Variants in ATP11B observed in about 807,000 individuals in gnomAD.
ATP11B encodes phospholipid-transporting ATPase IF.
ATP11B carries 81 observed loss-of-function variants against 157.8 expected under a neutral mutation model. That is an observed-to-expected ratio of 0.51 (90% CI 0.43 to 0.62). The LOEUF (loss-of-function observed/expected upper bound fraction) is 0.62. Among genes scored for constraint, ATP11B ranks in the 20% least tolerant of loss-of-function variants. ATP11B has a pLI of 0.00. For synonymous variants in ATP11B, 451 were observed against 469.4 expected, an observed-to-expected ratio of 0.96 and a Z score of 0.51; for missense variants, 1,165 against 1,402.2, an observed-to-expected ratio of 0.83 and a Z score of 2.70.
chr3:182,911,624 ACGTG>A (rs1724803241), intron 28 of ATP11B, among the ~76,000 whole-genome samples: 2 of 152,072 alleles, frequency 1.3e-5, no homozygotes, highest in Admixed American at 1.3e-4. Flanking sequence ...ACTGGGGCAT[ACGTG>A]GTGAGCACTC....
chr3:182,865,815 T>C (rs1721187852), intron 13 of ATP11B, 117 bp downstream of exon 13: 1 of 753,086 alleles, frequency 1.3e-6, no homozygotes, highest in Non-Finnish European at 2.1e-6. Context: ...ACATTTGAAA[T>C]TCATATATTT....
At chr3:182,833,886 T>A (rs970338807) in intron 4 of ATP11B, 3 of 152,208 alleles carry the variant, frequency 2.0e-5, no homozygotes, top group African/African-American at 7.2e-5. Context: ...TAAGTCTAAC[T>A]AATGTTTGAT....
intron 4 of ATP11B, among the ~76,000 whole-genome samples, chr3:182,830,965 T>C (rs1023703097): frequency 1.1e-4 from 17 of 152,192 alleles, no homozygotes; most frequent in Non-Finnish European, 2.1e-4. Context: ...CAAAGTAACA[T>C]GTTTGTCCTT....
intron 28 of ATP11B, among the ~76,000 whole-genome samples, chr3:182,901,328 GA>G (rs1723946560): frequency 7.6e-6 from 1 of 131,670 alleles, no homozygotes; most frequent in Non-Finnish European, 1.5e-5. Flanking sequence ...GACAAAGTGA[GA>G]CTCCGTCTCA....
At chr3:182,866,680 A>G (rs977983114) in intron 14 of ATP11B, among the ~76,000 whole-genome samples, 1 of 151,560 alleles carries the variant, frequency 6.6e-6, no homozygotes, top group Non-Finnish European at 1.5e-5. Flanking sequence ...TGATTACTAT[A>G]AAAATCTGTG....
At chr3:182,843,322 T>G (rs1719197479) in intron 8 of ATP11B, among the ~76,000 whole-genome samples, 1 of 152,232 alleles carries the variant, frequency 6.6e-6, no homozygotes, top group Admixed American at 6.5e-5. Context: ...GTTTTTGCAT[T>G]TCTTTTTCTG....
intron 11 of ATP11B, 57 bp downstream of exon 11, chr3:182,858,085 G>C (rs1312079443): frequency 1.4e-6 from 2 of 1,481,100 alleles, no homozygotes; most frequent in African/African-American, 2.8e-5. Context: ...GGCACGATTA[G>C]TGCTTTGGTA....
At chr3:182,899,241 T>C (rs1723782233) in intron 28 of ATP11B, among the ~76,000 whole-genome samples, 1 of 150,650 alleles carries the variant, frequency 6.6e-6, no homozygotes, top group Non-Finnish European at 1.5e-5. Context: ...CTGCAAACTC[T>C]GCCTCCTGGG....
At chr3:182,914,947 A>G in intron 29 of ATP11B, 1 of 985,396 alleles carries the variant, frequency 1.0e-6, no homozygotes, top group African/African-American at 1.7e-5. Flanking sequence ...GTTGGTTGCC[A>G]TTGTCCCAAA....
intron 12 of ATP11B, 47 bp downstream of exon 12, chr3:182,859,406 C>A: frequency 1.4e-6 from 2 of 1,439,876 alleles, no homozygotes; most frequent in South Asian, 1.4e-5. Context: ...TTATTTTTAT[C>A]AAAGCAATAC....
intron 10 of ATP11B, among the ~76,000 whole-genome samples, chr3:182,857,604 AACTG>A (rs1237151465): frequency 6.6e-6 from 1 of 152,108 alleles, no homozygotes; most frequent in Non-Finnish European, 1.5e-5. Context: ...TGGCAAAAAT[AACTG>A]ACTAAAACCG....
At chr3:182,889,691 AAAT>A (rs1723048180) in intron 25 of ATP11B, 143 bp downstream of exon 25, 1 of 775,124 alleles carries the variant, frequency 1.3e-6, no homozygotes, top group Non-Finnish European at 1.9e-6. Flanking sequence ...TTTTGTGGTT[AAAT>A]AATAAAGTTT....
At chr3:182,850,498 A>AT (rs1365888704) in intron 10 of ATP11B, among the ~76,000 whole-genome samples, 2 of 152,112 alleles carry the variant, frequency 1.3e-5, no homozygotes, top group Non-Finnish European at 2.9e-5. Context: ...ACAAAAAAAA[A>AT]GTGTATCAAA....
intron 14 of ATP11B, among the ~76,000 whole-genome samples, chr3:182,866,895 AAAGAATATAT>A (rs1470941839): frequency 6.8e-6 from 1 of 147,228 alleles, no homozygotes; most frequent in Non-Finnish European, 1.5e-5. Flanking sequence ...TATATATTAA[AAAGAATATAT>A]AAGAATATAT....
chr3:182,835,043 G>A (rs1032854766), intron 4 of ATP11B, among the ~76,000 whole-genome samples: 6 of 152,124 alleles, frequency 3.9e-5, no homozygotes, highest in Admixed American at 2.6e-4. Flanking sequence ...GAAATGGATC[G>A]TGTTTAGGGT....
At chr3:182,796,040 A>G (rs554744147) in intron 1 of ATP11B, among the ~76,000 whole-genome samples, 1 of 152,354 alleles carries the variant, frequency 6.6e-6, no homozygotes, top group South Asian at 2.1e-4. Context: ...TTTATTACAG[A>G]AACAATGCCT....
chr3:182,808,981 T>G (rs1341751968), intron 1 of ATP11B, among the ~76,000 whole-genome samples: 2 of 152,058 alleles, frequency 1.3e-5, no homozygotes, highest in Non-Finnish European at 1.5e-5. Context: ...TTAGATTGTT[T>G]CCCTTGCTTT....
intron 21 of ATP11B, among the ~76,000 whole-genome samples, chr3:182,882,461 CAAATT>C (rs1158912877): frequency 6.8e-6 from 1 of 147,338 alleles, no homozygotes; most frequent in Non-Finnish European, 1.5e-5. Context: ...AGTAGGAAAA[CAAATT>C]ATTTAGTAGA....
chr3:182,848,498 G>A lies in ATP11B; in HGVS notation c.792G>A (p.Met264Ile). 1 of 1,574,440 alleles carries A rather than the reference G, an allele frequency of 6.4e-7. No individual in the cohort carries two copies. Among genetic ancestry groups the A allele is most frequent in the East Asian group, 2.3e-5 (1 of 43,174 alleles). The change falls in exon 10 of 30, where the codon ATG becomes ATA. Residue 264 changes from methionine to isoleucine, a missense_variant. Transcript: ENST00000323116. The part of the protein sequence containing the change: ...EIFGVAVYTG[M>I]ETKMALNYKS... ...CAGGTGTTGCGGTATACACTGGAAT[G>A]GAAACTAAGATGGCATTAAATTACA...
Sources: gnomAD v4.1 joint callset for allele counts (sites outside exome capture counted in the v4.1 genomes callset) on GRCh38, gnomAD v4.1.1 for gene constraint, MANE v1.5 for transcripts, NCBI Gene and HGNC (gene_info 2026-07-23, HGNC 2026-07-21) for gene names.